The following RNF217 variants were observed in gnomAD, a reference collection of about 807,000 sequenced individuals.
RNF217 encodes ring finger protein 217.
A neutral mutation model predicts 57.8 loss-of-function variants in RNF217; 31 were observed. The ratio of observed to expected loss-of-function variants is 0.54; its 90% CI spans 0.40 to 0.72. The LOEUF (loss-of-function observed/expected upper bound fraction) is 0.72, where lower values mean the gene tolerates loss of function less well. Among genes scored for constraint, RNF217 ranks in the 30% least tolerant of loss-of-function variants. The pLI, the probability that RNF217 is intolerant of heterozygous loss-of-function variation, is 0.00. For synonymous variants in RNF217, 313 were observed against 294.0 expected, an observed-to-expected ratio of 1.06 and a Z score of -0.66; for missense variants, 696 against 708.3, an observed-to-expected ratio of 0.98 and a Z score of 0.20.
chr6:124,977,849 A>G (rs1562449116), intron 1 of RNF217, among the ~76,000 whole-genome samples: 1 of 152,320 alleles, frequency 6.6e-6, no homozygotes, highest in East Asian at 1.9e-4. Context: ...TCAGGTTATT[A>G]GGGAGTTGCA....
In RNF217 at chr6:124,981,662, G is replaced by A. The variant is rs1174020681; in HGVS notation, c.882+18236G>A. On this transcript the variant is annotated intron_variant, in intron 1 of 5. Coordinates refer to ENST00000521654, the MANE Select transcript of RNF217 (RefSeq NM_001286398.3). ...AGCAGAGAGATGACTTTCTGTCCTGGACTTGTGAAGATACGCTATCATATA... is the reference window on the plus strand; with the variant it reads ...AGCAGAGAGATGACTTTCTGTCCTGAACTTGTGAAGATACGCTATCATATA... 1.3e-5 allele frequency among the ~76,000 whole-genome samples: 2 copies of A among 152,108 alleles called. 1 individual carries two copies. Among genetic ancestry groups the A allele is most frequent in the Admixed American group, 1.3e-4 (2 of 15,272 alleles).
intron 3 of RNF217, among the ~76,000 whole-genome samples, chr6:125,062,833 C>T (rs1198521890): frequency 6.6e-6 from 1 of 152,160 alleles, no homozygotes; most frequent in Non-Finnish European, 1.5e-5. Context: ...ACCTCAGCCT[C>T]CCAAAGTGTT....
intron 3 of RNF217, among the ~76,000 whole-genome samples, chr6:125,072,743 T>A (rs1788196624): frequency 6.6e-6 from 1 of 152,172 alleles, no homozygotes; most frequent in Admixed American, 6.6e-5. Flanking sequence ...AGATATACCT[T>A]GTGGAGGGAG....
intron 1 of RNF217, among the ~76,000 whole-genome samples, chr6:125,004,874 AT>A (rs1220734144): frequency 2.6e-5 from 4 of 152,152 alleles, no homozygotes; most frequent in African/African-American, 9.7e-5. Context: ...GTCTTAGTCC[AT>A]TTTTTGCTGC....
chr6:124,990,734 A>G lies in RNF217; in HGVS notation c.882+27308A>G, dbSNP rs776752400. 2.6e-5 allele frequency among the ~76,000 whole-genome samples: 4 copies of G among 152,190 alleles called. 1 individual carries two copies. In the Middle Eastern group the frequency reaches 0.014, roughly 518 times the overall value. Reference sequence around the variant, plus strand: ...GGAATCTAGCAGTAAAATCTTAACTATTCTCCCTGCCCTAGTACCTTTGTA... The same window carrying G: ...GGAATCTAGCAGTAAAATCTTAACTGTTCTCCCTGCCCTAGTACCTTTGTA... On this transcript the variant is annotated intron_variant, in intron 1 of 5. Transcript: ENST00000521654.
At chr6:125,019,395 C>T (rs1405018371) in intron 1 of RNF217, among the ~76,000 whole-genome samples, 1 of 152,134 alleles carries the variant, frequency 6.6e-6, no homozygotes, top group African/African-American at 2.4e-5. Flanking sequence ...TCCATCCTCT[C>T]GATAGCTATC....
intron 1 of RNF217, among the ~76,000 whole-genome samples, chr6:125,034,949 C>T (rs1028589219): frequency 6.6e-6 from 1 of 152,106 alleles, no homozygotes; most frequent in African/African-American, 2.4e-5. Flanking sequence ...ATTTTATTCT[C>T]TTTGAAGCAA....
intron 3 of RNF217, among the ~76,000 whole-genome samples, chr6:125,060,104 A>G (rs1787675254): frequency 6.6e-6 from 1 of 152,128 alleles, no homozygotes; most frequent in Non-Finnish European, 1.5e-5. Context: ...TATTATTACA[A>G]CAGAAACCTA....
intron 1 of RNF217, among the ~76,000 whole-genome samples, chr6:125,030,810 G>T (rs1786322791): frequency 6.6e-6 from 1 of 152,168 alleles, no homozygotes; most frequent in Non-Finnish European, 1.5e-5. Flanking sequence ...CTGGAGGACA[G>T]TGGCCCTCTT....
At chr6:125,061,740 G>A (rs901026808) in intron 3 of RNF217, among the ~76,000 whole-genome samples, 8 of 151,370 alleles carry the variant, frequency 5.3e-5, no homozygotes, top group Admixed American at 1.3e-4. Flanking sequence ...CACATATGTC[G>A]TATGAACACA....
Position 125,084,382 on chromosome 6 carries a change from A to C in RNF217, c.*1445A>C, listed in dbSNP as rs1788709411. ...TAGACTATGATATGCCTTTGCTTTC[A>C]TCACAAAAGTTCATCAGCAAACAGG... On this transcript the variant is annotated 3_prime_UTR_variant, in exon 6 of 6. Transcript: ENST00000521654. 6.6e-6 allele frequency: 1 copy of C among 151,948 alleles called. No homozygotes were observed. The highest frequency in any genetic ancestry group is 2.4e-5 in the African/African-American group (1 of 41,424). The allele number at this position is 151,948 out of a possible 1,614,324, so 9.4% of individuals were successfully genotyped here. A position where few individuals can be genotyped will look rare whatever the true frequency, so the allele number is the denominator to read the frequency against.
At chr6:124,975,325 G>A (rs539656137) in intron 1 of RNF217, among the ~76,000 whole-genome samples, 7 of 152,302 alleles carry the variant, frequency 4.6e-5, no homozygotes, top group South Asian at 2.1e-4. Flanking sequence ...AGAGTTTAGC[G>A]TATTATTAAT....
intron 1 of RNF217, among the ~76,000 whole-genome samples, chr6:125,015,427 A>G (rs1384486115): frequency 6.6e-6 from 1 of 152,118 alleles, no homozygotes; most frequent in East Asian, 1.9e-4. Context: ...ATTAATCACT[A>G]CAATATAGTA....
At chr6:125,025,905 CTG>C (rs1023649378) in intron 1 of RNF217, among the ~76,000 whole-genome samples, 1 of 152,120 alleles carries the variant, frequency 6.6e-6, no homozygotes, top group African/African-American at 2.4e-5. Context: ...AAGTTTTTGA[CTG>C]TGTGCATATT....
Position 125,091,316 on chromosome 6 carries a change from G to A in RNF217, c.*8379G>A, listed in dbSNP as rs770424766. The A allele has an allele frequency of 2.6e-5, 4 of 151,790 alleles. No individual in the cohort carries two copies. The East Asian group carries it at 5.8e-4, about 22-fold the overall frequency. The allele number at this position is 151,790 out of a possible 1,614,324, so 9.4% of individuals were successfully genotyped here. ...TGATGAGTATATAACATTCATATAC[G>A]TTATTAGTGCCTTATTTTTTTCACT... On this transcript the variant is annotated 3_prime_UTR_variant, in exon 6 of 6. Transcript: ENST00000521654.
intron 1 of RNF217, among the ~76,000 whole-genome samples, chr6:125,033,791 A>G (rs550276973): frequency 6.6e-6 from 1 of 152,070 alleles, no homozygotes; most frequent in African/African-American, 2.4e-5. Flanking sequence ...CAATGGTTGA[A>G]CTAGTTTACA....
chr6:125,015,543 G>A (rs1038905933), intron 1 of RNF217, among the ~76,000 whole-genome samples: 11 of 151,890 alleles, frequency 7.2e-5, no homozygotes, highest in South Asian at 6.2e-4. Context: ...AAAGAAAAGC[G>A]GTTATGATCT....
chr6:125,034,608 A>G (rs967295535), intron 1 of RNF217, among the ~76,000 whole-genome samples: 8 of 152,110 alleles, frequency 5.3e-5, no homozygotes, highest in Non-Finnish European at 1.0e-4. Flanking sequence ...GCCTTGTAGT[A>G]TAGTTTGAAG....
chr6:124,990,158 TTCTTCATTC>T (rs1424527636), intron 1 of RNF217, among the ~76,000 whole-genome samples: 1 of 152,250 alleles, frequency 6.6e-6, no homozygotes, highest in African/African-American at 2.4e-5. Flanking sequence ...AGTCTTCATT[TTCTTCATTC>T]CACACTGGAT....
Sources: allele counts gnomAD v4.1 joint callset (sites outside exome capture counted in the v4.1 genomes callset), GRCh38; gene constraint gnomAD v4.1.1; transcripts MANE v1.5; gene names NCBI Gene and HGNC (gene_info 2026-07-23, HGNC 2026-07-21).